The following SGCZ variants were observed in gnomAD, a reference collection of about 807,000 sequenced individuals.
SGCZ encodes the protein sarcoglycan zeta.
Under a neutral mutation model 41.3 loss-of-function variants are expected in SGCZ, and 40 were observed. The observed-to-expected ratio is 0.97, with a 90% CI of 0.75 to 1.26. SGCZ has a LOEUF of 1.26. SGCZ is among the 50% of genes most tolerant of loss of function. The pLI is 0.00. For missense variants in SGCZ, 552 were observed against 369.8 expected (o/e 1.49, Z -4.04); for synonymous variants, 206 against 137.5 (o/e 1.50, Z -3.49).
chr8:14,383,285 A>T (rs1013239736), intron 2 of SGCZ, among the ~76,000 whole-genome samples: 1 of 152,230 alleles, frequency 6.6e-6, no homozygotes, highest in African/African-American at 2.4e-5. Context: ...AAATACTGAT[A>T]AGAGACATTT....
intron 1 of SGCZ, among the ~76,000 whole-genome samples, chr8:14,741,290 T>C (rs553122267): frequency 6.6e-6 from 1 of 152,174 alleles, no homozygotes; most frequent in South Asian, 2.1e-4. Context: ...CTACAAAAAT[T>C]AAGCCCATCT....
At chr8:14,260,196 A>G (rs1486024489) in intron 3 of SGCZ, among the ~76,000 whole-genome samples, 1 of 152,130 alleles carries the variant, frequency 6.6e-6, no homozygotes, top group African/African-American at 2.4e-5. Flanking sequence ...CAACCTACTC[A>G]TCTGACAAAG....
chr8:14,233,896 G>A (rs1210134515), intron 4 of SGCZ, among the ~76,000 whole-genome samples: 2 of 151,858 alleles, frequency 1.3e-5, no homozygotes, highest in Non-Finnish European at 2.9e-5. Context: ...CAAGGAGTCT[G>A]ACCTCTTGGG....
intron 2 of SGCZ, among the ~76,000 whole-genome samples, chr8:14,488,148 A>C (rs1304161426): frequency 7.4e-6 from 1 of 134,728 alleles, no homozygotes; most frequent in African/African-American, 2.7e-5. Flanking sequence ...TCCCCTTTTA[A>C]CTTCTTCTGG....
intron 1 of SGCZ, among the ~76,000 whole-genome samples, chr8:15,209,447 A>G (rs10088184): frequency 0.56 from 84,001 of 150,318 alleles, 24,292 homozygotes; most frequent in Non-Finnish European, 0.61. Context: ...AAGCACAGGA[A>G]CAGCGAAGTT....
chr8:14,669,697 C>T (rs539815720), intron 1 of SGCZ, among the ~76,000 whole-genome samples: 586 of 54,222 alleles, frequency 0.011, 6 homozygotes, highest in African/African-American at 0.067. Flanking sequence ...TGTGTATACA[C>T]ACACACACAC....
In SGCZ at chr8:14,343,371, A is replaced by C. The variant is rs925357741; in HGVS notation, c.235-19167T>G. Reference sequence around the variant, plus strand: ...TGCACCATGTGCCTGGAAAAGCCACAGACACTCAACACCAGCCTGTAACAT... The same window carrying C: ...TGCACCATGTGCCTGGAAAAGCCACCGACACTCAACACCAGCCTGTAACAT... On this transcript the variant is annotated intron_variant, in intron 2 of 7. Coordinates refer to ENST00000382080, the MANE Select transcript of SGCZ (RefSeq NM_139167.4). Among the ~76,000 whole-genome samples the C allele has an allele frequency of 2.0e-5, 3 of 152,184 alleles. No homozygotes were observed. In the South Asian group the frequency reaches 6.2e-4, roughly 31 times the overall value.
At chr8:14,362,794 T>C (rs149699232) in intron 2 of SGCZ, among the ~76,000 whole-genome samples, 217 of 151,940 alleles carry the variant, frequency 1.4e-3, no homozygotes, top group African/African-American at 4.9e-3. Context: ...TTAGGAGCTG[T>C]AGACCGGAGC....
In SGCZ at chr8:14,941,273, C is replaced by A. The variant is rs145157198; in HGVS notation, c.39+296312G>T. ...GGGAACTATCCTACAGATATAAAAG[C>A]AGTAGTGTCAAAGCATCTGTATTCA... On this transcript the variant is annotated intron_variant, in intron 1 of 7. Coordinates refer to ENST00000382080, the MANE Select transcript of SGCZ (RefSeq NM_139167.4). 4.3e-3 allele frequency among the ~76,000 whole-genome samples: 649 copies of A among 152,134 alleles called. 9 individuals are homozygous for A. Among genetic ancestry groups the A allele is most frequent in the African/African-American group, 0.015 (611 of 41,526 alleles).
intron 2 of SGCZ, among the ~76,000 whole-genome samples, chr8:14,503,421 G>A (rs1262676996): frequency 6.6e-6 from 1 of 152,100 alleles, no homozygotes; most frequent in East Asian, 1.9e-4. Context: ...TTCTGCACAT[G>A]TATCCCAGAA....
intron 1 of SGCZ, among the ~76,000 whole-genome samples, chr8:14,586,441 G>A (rs1805060053): frequency 6.6e-6 from 1 of 152,042 alleles, no homozygotes; most frequent in Non-Finnish European, 1.5e-5. Flanking sequence ...CTTGACTCTT[G>A]GGCTCAAGCA....
At chr8:14,708,075 T>C (rs1809388300) in intron 1 of SGCZ, among the ~76,000 whole-genome samples, 1 of 152,070 alleles carries the variant, frequency 6.6e-6, no homozygotes, top group African/African-American at 2.4e-5. Flanking sequence ...ATTTCTACAA[T>C]GTTTTTTCTA....
rs370496720 is a variant in SGCZ at position 14,639,034 on chromosome 8, G to A, written c.40-84108C>T. Among the ~76,000 whole-genome samples the A allele has an allele frequency of 2.5e-5, 3 of 120,318 alleles. No individual in the cohort carries two copies. The Admixed American group carries it at 2.9e-4, about 12-fold the overall frequency. The allele number at this position is 120,318 out of a possible 152,430, so 78.9% of individuals were successfully genotyped here. A position where few individuals can be genotyped will look rare whatever the true frequency, so the allele number is the denominator to read the frequency against. ...TTAGAAATAATACACTAAGAAACTG[G>A]AATCTTTTTTTTTTTTTTTTGTCTT... On this transcript the variant is annotated intron_variant, in intron 1 of 7. Coordinates refer to ENST00000382080, the MANE Select transcript of SGCZ (RefSeq NM_139167.4).
intron 1 of SGCZ, among the ~76,000 whole-genome samples, chr8:14,892,102 T>C (rs1178465933): frequency 6.6e-6 from 1 of 152,168 alleles, no homozygotes; most frequent in Non-Finnish European, 1.5e-5. Flanking sequence ...ACAATCACAA[T>C]TTATTACGTA....
Position 14,107,428 on chromosome 8 carries a change from C to A in SGCZ, c.620+735G>T, listed in dbSNP as rs183050551. Among the ~76,000 whole-genome samples, 1,455 of 152,104 alleles carry A rather than the reference C, an allele frequency of 9.6e-3. 11 individuals are homozygous for A. Among genetic ancestry groups the A allele is most frequent in the Non-Finnish European group, 0.014 (963 of 67,984 alleles). ...TCACACTGTCAGGACATAGCTTATTCCATTGGAAATATTAGACTGAGGAAC... is the reference window on the plus strand; with the variant it reads ...TCACACTGTCAGGACATAGCTTATTACATTGGAAATATTAGACTGAGGAAC... On this transcript the variant is annotated intron_variant, in intron 6 of 7. Transcript: ENST00000382080.
At chr8:14,967,615 C>T (rs1039925953) in intron 1 of SGCZ, among the ~76,000 whole-genome samples, 3 of 152,102 alleles carry the variant, frequency 2.0e-5, no homozygotes, top group Non-Finnish European at 4.4e-5. Context: ...CTTTTCCATC[C>T]CAAACCTCTC....
At chr8:14,210,344 C>G (rs1167656894) in intron 4 of SGCZ, among the ~76,000 whole-genome samples, 1 of 152,058 alleles carries the variant, frequency 6.6e-6, no homozygotes, top group Non-Finnish European at 1.5e-5. Flanking sequence ...CAAGGGTGAG[C>G]CACCATGCCT....
At chr8:14,857,964 A>C in intron 1 of SGCZ, among the ~76,000 whole-genome samples, 1 of 152,178 alleles carries the variant, frequency 6.6e-6, no homozygotes, top group Non-Finnish European at 1.5e-5. Flanking sequence ...AGATTCAAAA[A>C]TACTTATTTT....
intron 4 of SGCZ, among the ~76,000 whole-genome samples, chr8:14,220,390 C>T (rs942895432): frequency 1.3e-5 from 2 of 152,058 alleles, no homozygotes; most frequent in African/African-American, 2.4e-5. Context: ...CTTCAAAAAT[C>T]AAATAATGGT....
Sources: gnomAD v4.1 joint callset for allele counts (sites outside exome capture counted in the v4.1 genomes callset) on GRCh38, gnomAD v4.1.1 for gene constraint, MANE v1.5 for transcripts, NCBI Gene and HGNC (gene_info 2026-07-23, HGNC 2026-07-21) for gene names.